ST18: variants seen among roughly 807,000 people sequenced by gnomAD.
ST18 encodes ST18 C2H2C-type zinc finger transcription factor, also known as suppression of tumorigenicity 18 protein.
A neutral mutation model predicts 110.0 loss-of-function variants in ST18; 50 were observed. The ratio of observed to expected loss-of-function variants is 0.45; its 90% CI spans 0.36 to 0.58. The LOEUF (loss-of-function observed/expected upper bound fraction) is 0.58, where lower values mean the gene tolerates loss of function less well. ST18 is among the 20% of genes least tolerant of loss of function. The pLI, the probability that ST18 is intolerant of heterozygous loss-of-function variation, is 0.00. For synonymous variants in ST18, 461 were observed against 452.4 expected (o/e 1.02, Z -0.24); for missense variants, 1,306 against 1,280.1 (o/e 1.02, Z -0.31).
At chr8:52,279,036 TA>T in intron 2 of ST18, among the ~76,000 whole-genome samples, 2 of 152,090 alleles carry the variant, frequency 1.3e-5, no homozygotes, top group South Asian at 2.1e-4. Flanking sequence ...AATAATTTTT[TA>T]AAAAATAATA....
At chr8:52,367,233 G>GCCACACACACACACACACACAC (rs1564591511) in intron 2 of ST18, among the ~76,000 whole-genome samples, 1 of 131,214 alleles carries the variant, frequency 7.6e-6, no homozygotes, top group Non-Finnish European at 1.5e-5. Context: ...GCGGGACCCT[G>GCCACACACACACACACACACAC]TCTCACACAC....
At chr8:52,257,708 T>A (rs1177021735) in intron 2 of ST18, among the ~76,000 whole-genome samples, 1 of 152,214 alleles carries the variant, frequency 6.6e-6, no homozygotes, top group African/African-American at 2.4e-5. Flanking sequence ...AGATATAGAA[T>A]TTGCAAAACT....
intron 16 of ST18, among the ~76,000 whole-genome samples, 192 bp from the exon 17 acceptor site, chr8:52,143,237 T>C (rs2055939312): frequency 6.6e-6 from 1 of 152,190 alleles, no homozygotes; most frequent in African/African-American, 2.4e-5. Context: ...CTGTAATCCT[T>C]GGCCTTTGGG....
At chr8:52,339,425 G>T in intron 2 of ST18, among the ~76,000 whole-genome samples, 1 of 152,318 alleles carries the variant, frequency 6.6e-6, no homozygotes, top group East Asian at 1.9e-4. Context: ...TGTACCACAC[G>T]ACAAAACCTC....
At chr8:52,351,796 T>A (rs1463055619) in intron 2 of ST18, among the ~76,000 whole-genome samples, 3 of 152,220 alleles carry the variant, frequency 2.0e-5, no homozygotes, top group Non-Finnish European at 4.4e-5. Context: ...TGAGGACAAA[T>A]GGCATGACCT....
chr8:52,302,566 C>T (rs969786957), intron 2 of ST18, among the ~76,000 whole-genome samples: 1 of 152,182 alleles, frequency 6.6e-6, no homozygotes, highest in Non-Finnish European at 1.5e-5. Context: ...TAGCAGGGAA[C>T]TGGACTCCTC....
At chr8:52,124,455 T>C (rs1417652593) in intron 23 of ST18, among the ~76,000 whole-genome samples, 1 of 152,210 alleles carries the variant, frequency 6.6e-6, no homozygotes, top group Non-Finnish European at 1.5e-5. Flanking sequence ...ATTACAGATG[T>C]GAGCCACTGT....
rs1477788798 is a variant in ST18 at position 52,111,228 on chromosome 8, C to G, written c.*1970G>C. ...CTTTTAAATTAAATAAAATATATAA[C>G]AAACTTGTTAAAATATTTAGCAAAT... On this transcript the variant is annotated 3_prime_UTR_variant, in exon 26 of 26. Transcript: ENST00000689386. 5.6e-6 allele frequency: 2 copies of G among 356,076 alleles called. No individual in the cohort carries two copies. The highest frequency in any genetic ancestry group is 4.2e-5 in the African/African-American group (2 of 47,742). 22.1% of individuals were successfully genotyped at this position (356,076 alleles called of 1,614,324 possible). A position where few individuals can be genotyped will look rare whatever the true frequency, so the allele number is the denominator to read the frequency against.
intron 2 of ST18, among the ~76,000 whole-genome samples, chr8:52,260,576 C>T (rs1402774181): frequency 1.3e-5 from 2 of 152,118 alleles, no homozygotes; most frequent in African/African-American, 4.8e-5. Context: ...ATTCCTCAGC[C>T]CTCTTACTCC....
chr8:52,145,488 A>AGT (rs1038964146), intron 16 of ST18, among the ~76,000 whole-genome samples: 2 of 152,112 alleles, frequency 1.3e-5, no homozygotes, highest in Non-Finnish European at 2.9e-5. Context: ...ACCTTCAGAG[A>AGT]GTGTATGTAT....
At chr8:52,132,937 T>C (rs1586598154) in intron 21 of ST18, 120 bp downstream of exon 21, 1 of 1,119,398 alleles carries the variant, frequency 8.9e-7, no homozygotes, top group Non-Finnish European at 1.3e-6. Context: ...CTCTTGCTTA[T>C]ATTTAATAGG....
chr8:52,180,222 C>T lies in ST18; in HGVS notation c.177G>A (p.Met59Ile), dbSNP rs749300022. Reference protein sequence around the residue: ...VPVNKRKSLLMKPRHYSPKAD... With the variant: ...VPVNKRKSLLIKPRHYSPKAD... ...CTTTTGGGCTGTAGTGTCGGGGCTT[C>T]ATTAGCAGGGATTTCCTTTTGTTGA... Residue 59 changes from methionine (M) to isoleucine (I), a missense_variant, in exon 9 of 26, where the codon ATG becomes ATA. Met to Ile is a conservative substitution (Grantham distance 10). Coordinates refer to ENST00000689386, the MANE Select transcript of ST18 (RefSeq NM_001352837.2). 1.2e-6 allele frequency: 2 copies of T among 1,614,168 alleles called. No individual in the cohort carries two copies. The highest frequency in any genetic ancestry group is 1.1e-5 in the South Asian group (1 of 91,084).
At chr8:52,169,029 G>T (rs1207502970) in intron 10 of ST18, among the ~76,000 whole-genome samples, 2 of 152,014 alleles carry the variant, frequency 1.3e-5, no homozygotes, top group Non-Finnish European at 2.9e-5. Context: ...TCCCCTCCTC[G>T]CCACACTGTT....
chr8:52,158,934 G>A lies in ST18; in HGVS notation c.1770C>T (p.Asp590=). Residue 590 remains aspartate, a synonymous_variant, in exon 15 of 26, where the codon GAC becomes GAT. Coordinates refer to ENST00000689386, the MANE Select transcript of ST18 (RefSeq NM_001352837.2). The part of the protein sequence containing the change: ...NLSTRCREAT[D]ILSNKPQSLH... ...GACTCTGTGGCTTGTTGGAGAGGATGTCTGTGGCTTCCCTGCAGCGGGTGG... is the reference window on the plus strand; with the variant it reads ...GACTCTGTGGCTTGTTGGAGAGGATATCTGTGGCTTCCCTGCAGCGGGTGG... The A allele has an allele frequency of 6.2e-7, 1 of 1,614,062 alleles. No individual in the cohort carries two copies. The highest frequency in any genetic ancestry group is 8.5e-7 in the Non-Finnish European group (1 of 1,179,920).
intron 2 of ST18, among the ~76,000 whole-genome samples, chr8:52,243,978 T>G (rs377232959): frequency 2.0e-5 from 3 of 152,144 alleles, no homozygotes; most frequent in African/African-American, 7.2e-5. Flanking sequence ...TCAATTCCCC[T>G]CAGCTTACTT....
chr8:52,268,672 A>G (rs1221900992), intron 2 of ST18, among the ~76,000 whole-genome samples: 2 of 152,212 alleles, frequency 1.3e-5, no homozygotes, highest in African/African-American at 4.8e-5. Flanking sequence ...GGAGCGGTAA[A>G]GGAAGAAAAA....
chr8:52,395,124 A>T (rs2141020384), intron 2 of ST18, among the ~76,000 whole-genome samples: 1 of 152,328 alleles, frequency 6.6e-6, no homozygotes, highest in South Asian at 2.1e-4. Context: ...GCTGGACTGG[A>T]GTATGACTTT....
intron 8 of ST18, among the ~76,000 whole-genome samples, chr8:52,208,067 T>A (rs139936804): frequency 5.3e-5 from 8 of 152,332 alleles, no homozygotes; most frequent in African/African-American, 1.7e-4. Context: ...GGCCTGTGGT[T>A]ATAAATTGCT....
intron 2 of ST18, among the ~76,000 whole-genome samples, chr8:52,385,081 C>T (rs6986920): frequency 0.99 from 150,161 of 152,332 alleles, 74,044 homozygotes; most frequent in Middle Eastern, 1. Context: ...CATCTTAAGA[C>T]AGAAACGTGA....
Sources: allele counts gnomAD v4.1 joint callset (sites outside exome capture counted in the v4.1 genomes callset), GRCh38; gene constraint gnomAD v4.1.1; transcripts MANE v1.5; gene names NCBI Gene and HGNC (gene_info 2026-07-23, HGNC 2026-07-21).